The following DENND1A variants were observed in gnomAD, a reference collection of about 807,000 sequenced individuals.
DENND1A encodes DENN domain-containing protein 1A.
In DENND1A, 51 loss-of-function variants were observed where a neutral mutation model predicts 113.7. The ratio of observed to expected loss-of-function variants is 0.45; its 90% CI spans 0.36 to 0.57. DENND1A has a LOEUF of 0.57. Ranked by LOEUF, DENND1A falls within the 20% of genes least tolerant of loss-of-function variation. The probability of loss-of-function intolerance (pLI) is 0.00; values close to 1 mark genes in which losing one functional copy is unlikely to be tolerated. For missense variants in DENND1A, 1,258 were observed against 1,395.9 expected, an observed-to-expected ratio of 0.90 and a Z score of 1.57; for synonymous variants, 565 against 570.8, an observed-to-expected ratio of 0.99 and a Z score of 0.14.
At chr9:123,593,251 T>C (rs988131306) in intron 11 of DENND1A, among the ~76,000 whole-genome samples, 1 of 152,182 alleles carries the variant, frequency 6.6e-6, no homozygotes, top group South Asian at 2.1e-4. Flanking sequence ...CAAGGGTAAA[T>C]GATTTAATCC....
intron 2 of DENND1A, among the ~76,000 whole-genome samples, chr9:123,815,295 G>C (rs1837263814): frequency 6.6e-6 from 1 of 152,152 alleles, no homozygotes. Flanking sequence ...AAATCAGCAG[G>C]AACCACTGAC....
intron 1 of DENND1A, chr9:123,928,991 C>G: frequency 1.2e-6 from 1 of 812,196 alleles, no homozygotes; most frequent in Non-Finnish European, 1.5e-6. Context: ...AGAGATAAAA[C>G]ATCTCCAGTT....
chr9:123,763,704 G>A (rs1156661693), intron 4 of DENND1A, among the ~76,000 whole-genome samples: 1 of 152,048 alleles, frequency 6.6e-6, no homozygotes, highest in South Asian at 2.1e-4. Flanking sequence ...GTGGAGAAGA[G>A]ACCAAAGAAA....
At chr9:123,827,703 G>C (rs2132710233) in intron 2 of DENND1A, among the ~76,000 whole-genome samples, 1 of 152,034 alleles carries the variant, frequency 6.6e-6, no homozygotes, top group African/African-American at 2.4e-5. Context: ...CAGAATAGAA[G>C]AGGTCCCAGT....
chr9:123,434,050 G>T lies in DENND1A; in HGVS notation c.1488+6310C>A, dbSNP rs138657625. The stretch of plus-strand genomic sequence containing the variant: ...GAAACAAAATCCTTTTTTTTGAGAT[G>T]GAGTCTCACTCTGTCACCCAGGCTG... On this transcript the variant is annotated intron_variant, in intron 19 of 23. Coordinates refer to ENST00000394215, the MANE Select transcript of DENND1A (RefSeq NM_001352964.2). 8.5e-5 allele frequency among the ~76,000 whole-genome samples: 13 copies of T among 152,054 alleles called. No homozygotes were observed. In the East Asian group the frequency reaches 2.3e-3, roughly 27 times the overall value.
intron 1 of DENND1A, among the ~76,000 whole-genome samples, chr9:123,903,864 C>T (rs1037267086): frequency 1.0e-3 from 157 of 152,188 alleles, no homozygotes; most frequent in African/African-American, 3.7e-3. Context: ...CTGGGTGGAG[C>T]CCACCATAGC....
intron 12 of DENND1A, among the ~76,000 whole-genome samples, chr9:123,566,914 C>CACACACACACAT (rs1491455413): frequency 2.7e-5 from 1 of 36,598 alleles, no homozygotes; most frequent in Non-Finnish European, 4.6e-5. Flanking sequence ...TTTAACACAC[C>CACACACACACAT]ACACACACAC....
intron 1 of DENND1A, among the ~76,000 whole-genome samples, chr9:123,892,152 C>A (rs977807157): frequency 3.3e-5 from 5 of 152,206 alleles, no homozygotes; most frequent in African/African-American, 1.2e-4. Flanking sequence ...GAGGAAATAA[C>A]TTAAGCCTGC....
At chr9:123,738,767 C>T (rs1364786571) in intron 5 of DENND1A, among the ~76,000 whole-genome samples, 1 of 152,192 alleles carries the variant, frequency 6.6e-6, no homozygotes, top group African/African-American at 2.4e-5. Flanking sequence ...GAGTAATTCA[C>T]TGGGTTGCCT....
intron 5 of DENND1A, among the ~76,000 whole-genome samples, chr9:123,711,473 TAATAA>T (rs1003388251): frequency 1.8e-5 from 2 of 111,520 alleles, no homozygotes; most frequent in Non-Finnish European, 3.7e-5. Context: ...CTCAAAATAA[TAATAA>T]ATTAAAAAAT....
At chr9:123,599,591 C>T (rs1309146357) in intron 11 of DENND1A, among the ~76,000 whole-genome samples, 6 of 152,110 alleles carry the variant, frequency 3.9e-5, no homozygotes, top group Non-Finnish European at 7.4e-5. Context: ...GATATTAAGG[C>T]ACACACCCAC....
At chr9:123,711,891 G>C (rs2140962242) in intron 5 of DENND1A, among the ~76,000 whole-genome samples, 1 of 152,168 alleles carries the variant, frequency 6.6e-6, no homozygotes, top group South Asian at 2.1e-4. Context: ...TTTTCCTCAA[G>C]TATGAGACTC....
intron 5 of DENND1A, among the ~76,000 whole-genome samples, chr9:123,699,711 T>TTA (rs1417105334): frequency 6.8e-6 from 1 of 147,916 alleles, no homozygotes; most frequent in Admixed American, 6.8e-5. Flanking sequence ...TTTTTTTTTT[T>TTA]ATTGGAGACA....
chr9:123,598,375 T>C (rs2059791097), intron 11 of DENND1A, among the ~76,000 whole-genome samples: 2 of 146,474 alleles, frequency 1.4e-5, no homozygotes, highest in Non-Finnish European at 3.0e-5. Context: ...CCTTAGAAAA[T>C]GGAACTCTGA....
chr9:123,726,499 T>C (rs1335703058), intron 5 of DENND1A, among the ~76,000 whole-genome samples: 3 of 152,152 alleles, frequency 2.0e-5, no homozygotes, highest in Non-Finnish European at 4.4e-5. Flanking sequence ...AGGACAGGGA[T>C]AGTGCTTTAT....
intron 11 of DENND1A, among the ~76,000 whole-genome samples, chr9:123,587,225 A>G (rs2059219091): frequency 6.6e-6 from 1 of 152,210 alleles, no homozygotes; most frequent in African/African-American, 2.4e-5. Flanking sequence ...TCTTTAACAT[A>G]GCATTTGTAT....
chr9:123,697,339 C>T (rs987435853), intron 5 of DENND1A, among the ~76,000 whole-genome samples: 1 of 152,126 alleles, frequency 6.6e-6, no homozygotes, highest in African/African-American at 2.4e-5. Flanking sequence ...ATTATTCTAC[C>T]CACCAGCTAT....
intron 3 of DENND1A, among the ~76,000 whole-genome samples, chr9:123,774,058 T>A (rs914455590): frequency 2.0e-5 from 3 of 152,172 alleles, no homozygotes; most frequent in Admixed American, 2.0e-4. Flanking sequence ...TTTCCTGGGT[T>A]TCTTATATCT....
chr9:123,898,361 A>T (rs1432745219), intron 1 of DENND1A, among the ~76,000 whole-genome samples: 1 of 152,034 alleles, frequency 6.6e-6, no homozygotes, highest in Non-Finnish European at 1.5e-5. Context: ...ACAGGGTCTC[A>T]CTCTGTAGCC....
Sources: gnomAD v4.1 joint callset for allele counts (sites outside exome capture counted in the v4.1 genomes callset) on GRCh38, gnomAD v4.1.1 for gene constraint, MANE v1.5 for transcripts, NCBI Gene and HGNC (gene_info 2026-07-23, HGNC 2026-07-21) for gene names.